The following CCDC180 variants were observed in gnomAD, a reference collection of about 807,000 sequenced individuals.
The protein encoded by CCDC180 is coiled-coil domain-containing protein 180.
In CCDC180, 154 loss-of-function variants were observed where a neutral mutation model predicts 209.2. That is an observed-to-expected ratio of 0.74 (90% CI 0.65 to 0.84). The LOEUF is 0.84. CCDC180 is among the 40% of genes least tolerant of loss of function. CCDC180 has a pLI of 0.00. For synonymous variants in CCDC180, 778 were observed against 749.1 expected, an observed-to-expected ratio of 1.04 and a Z score of -0.63; for missense variants, 1,874 against 1,997.3, an observed-to-expected ratio of 0.94 and a Z score of 1.18.
intron 31 of CCDC180, chr9:97,369,413 CTTTATTTTAT>C (rs1190222430): frequency 8.1e-6 from 1 of 123,016 alleles, no homozygotes; most frequent in African/African-American, 3.1e-5. Context: ...TTATTTAAGC[CTTTATTTTAT>C]GTTATGTTAT....
In CCDC180 at chr9:97,374,558, A is replaced by G; in HGVS notation, c.4616A>G (p.Lys1539Arg). 15 of 1,613,866 alleles carry G rather than the reference A, an allele frequency of 9.3e-6. No individual in the cohort carries two copies. Among genetic ancestry groups the G allele is most frequent in the Non-Finnish European group, 1.3e-5 (15 of 1,179,948 alleles). ...TTGCCTCTAGGGATGGAGCCCCCCAAACAGAAATTATCAATGCTCATACGA... is the reference window on the plus strand; with the variant it reads ...TTGCCTCTAGGGATGGAGCCCCCCAGACAGAAATTATCAATGCTCATACGA... ...DVQVARMEPPKQKLSMLIRRK... is the reference protein window; with the variant it reads ...DVQVARMEPPRQKLSMLIRRK... The change falls in exon 35 of 37, where the codon AAA becomes AGA. Residue 1539 changes from lysine to arginine, a missense_variant. Coordinates refer to ENST00000529487, the MANE Select transcript of CCDC180 (RefSeq NM_020893.6).
intron 36 of CCDC180, chr9:97,376,201 C>T (rs1439573430): frequency 6.4e-6 from 1 of 156,496 alleles, no homozygotes; most frequent in Non-Finnish European, 1.4e-5. Context: ...ACCCAGTTGC[C>T]ACTTGAGGGA....
Position 97,314,380 on chromosome 9 carries a change from T to A in CCDC180, c.460-13T>A, listed in dbSNP as rs774797202. The stretch of plus-strand genomic sequence containing the variant: ...GCTGATGCCTTGGCCATCATACCCC[T>A]GGCCTGTTGCAGGAAATGGAACCTC... On this transcript the variant is annotated splice_polypyrimidine_tract_variant and intron_variant, in intron 5 of 36. Transcript: ENST00000529487. 7 of 1,614,010 alleles carry A rather than the reference T, an allele frequency of 4.3e-6. No homozygotes were observed. In the East Asian group the frequency reaches 1.6e-4, roughly 36 times the overall value.
At chr9:97,358,137 T>A (rs111977407) in intron 25 of CCDC180, 4 of 153,688 alleles carry the variant, frequency 2.6e-5, no homozygotes, top group Non-Finnish European at 4.3e-5. Context: ...TTTTTTTTTT[T>A]TTGAGACGAA....
upstream of CCDC180, chr9:97,307,517 C>A (rs1486681448): frequency 3.3e-6 from 2 of 608,404 alleles, no homozygotes; most frequent in Non-Finnish European, 5.9e-6. Flanking sequence ...CTTCTCAGCA[C>A]ACAGTAGGCG....
In CCDC180 at chr9:97,311,989, T is replaced by A. The variant is rs183325737; in HGVS notation, c.261-124T>A. 1.9e-5 allele frequency: 15 copies of A among 779,158 alleles called. No individual in the cohort carries two copies. The East Asian group carries it at 3.8e-4, about 20-fold the overall frequency. The allele number at this position is 779,158 out of a possible 1,614,324, so 48.3% of individuals were successfully genotyped here. On this transcript the variant is annotated intron_variant, in intron 3 of 36. Coordinates refer to ENST00000529487, the MANE Select transcript of CCDC180 (RefSeq NM_020893.6). Reference sequence around the variant, plus strand: ...CTCAGGGCTCTCTGGAATTGGGGTGTGCCTGGTCCATTGCTGCTGCCCACA... The same window carrying A: ...CTCAGGGCTCTCTGGAATTGGGGTGAGCCTGGTCCATTGCTGCTGCCCACA...
In CCDC180 at chr9:97,364,925, A is replaced by G. The variant is rs200187435; in HGVS notation, c.3981-748A>G. 5.9e-5 allele frequency among the ~76,000 whole-genome samples: 9 copies of G among 152,314 alleles called. No individual in the cohort carries two copies. In the East Asian group the frequency reaches 1.2e-3, roughly 20 times the overall value. ...GCACTGCCATGGGGCTGGGGATTCC[A>G]TGGTGAACAAGTACAGACAGGTCCA... On this transcript the variant is annotated intron_variant, in intron 29 of 36. Coordinates refer to ENST00000529487, the MANE Select transcript of CCDC180 (RefSeq NM_020893.6).
chr9:97,357,500 C>T (rs1826616024), intron 24 of CCDC180, 127 bp from the exon 25 acceptor site: 3 of 701,096 alleles, frequency 4.3e-6, no homozygotes, highest in Non-Finnish European at 7.5e-6. Flanking sequence ...GGTAAAACTG[C>T]ATATTTTTCC....
chr9:97,316,131 C>G (rs1181371852), intron 8 of CCDC180, among the ~76,000 whole-genome samples: 1 of 152,162 alleles, frequency 6.6e-6, no homozygotes, highest in African/African-American at 2.4e-5. Context: ...ATAGAAGAGT[C>G]AAGGATTTCA....
rs1826532925 is a variant in CCDC180 at position 97,354,957 on chromosome 9, A to G, written c.3213A>G (p.Ile1071Met). 3.1e-6 allele frequency: 5 copies of G among 1,614,044 alleles called. No homozygotes were observed. Among genetic ancestry groups the G allele is most frequent in the South Asian group, 1.1e-5 (1 of 91,090 alleles). ...FHNLSVDLIF[I>M]EKIQRLLTNL... ...ACCTGTCTGTGGACCTTATTTTCAT[A>G]GAGAAAATCCAGCGGTTGCTGACGA... The change falls in exon 24 of 37, where the codon ATA (isoleucine) becomes ATG (methionine). Residue 1071 changes from isoleucine to methionine, a missense_variant. By Grantham distance (10) the Ile-to-Met change is conservative (BLOSUM62 1). Coordinates refer to ENST00000529487, the MANE Select transcript of CCDC180 (RefSeq NM_020893.6).
At chr9:97,375,922 G>C (rs1827246176) in intron 36 of CCDC180, 1 of 299,434 alleles carries the variant, frequency 3.3e-6, no homozygotes, top group African/African-American at 2.1e-5. Context: ...GGTAGCCGTA[G>C]GCTCAGGGGG....
At position 97,307,976 on chromosome 9, in the gene CCDC180, A is replaced by G; in HGVS notation, c.-81-7A>G. The G allele has an allele frequency of 1.3e-6, 2 of 1,586,560 alleles. No individual in the cohort carries two copies. Among genetic ancestry groups the G allele is most frequent in the Non-Finnish European group, 1.7e-6 (2 of 1,165,354 alleles). ...TGAGTTTGGGACGGGCGATTTCCCA[A>G]CCTCAGGAATTGGAATTGAGACACC... On this transcript the variant is annotated splice_polypyrimidine_tract_variant and splice_region_variant and intron_variant, in intron 1 of 36. Coordinates refer to ENST00000529487, the MANE Select transcript of CCDC180 (RefSeq NM_020893.6).
At chr9:97,316,078 T>C (rs1465925498) in intron 8 of CCDC180, among the ~76,000 whole-genome samples, 1 of 152,212 alleles carries the variant, frequency 6.6e-6, no homozygotes, top group Admixed American at 6.5e-5. Context: ...GTAGCTGTCT[T>C]CTGAGATCAG....
intron 8 of CCDC180, among the ~76,000 whole-genome samples, chr9:97,316,610 A>T (rs1333249143): frequency 1.3e-5 from 2 of 152,136 alleles, no homozygotes; most frequent in Non-Finnish European, 2.9e-5. Flanking sequence ...CCATGGGAGG[A>T]CTGCTGAAGA....
chr9:97,363,158 T>TGAAA (rs1425797981), intron 28 of CCDC180, among the ~76,000 whole-genome samples: 1 of 152,218 alleles, frequency 6.6e-6, no homozygotes, highest in Non-Finnish European at 1.5e-5. Flanking sequence ...GGTTGCCCAC[T>TGAAA]GAAAGCAGGG....
chr9:97,315,356 G>T (rs757667512), intron 8 of CCDC180, among the ~76,000 whole-genome samples: 1 of 152,098 alleles, frequency 6.6e-6, no homozygotes, highest in Non-Finnish European at 1.5e-5. Flanking sequence ...TGAGTGATCT[G>T]CTCTGCCTGC....
In CCDC180 at chr9:97,317,264, C is replaced by G. The variant is rs778862928; in HGVS notation, c.959+36C>G. 1.1e-5 allele frequency: 17 copies of G among 1,486,522 alleles called. No homozygotes were observed. The African/African-American group carries it at 2.0e-4, about 17-fold the overall frequency. 92.1% of individuals were successfully genotyped at this position (1,486,522 alleles called of 1,614,324 possible). On this transcript the variant is annotated intron_variant, in intron 9 of 36. Coordinates refer to ENST00000529487, the MANE Select transcript of CCDC180 (RefSeq NM_020893.6). ...CCCACACAGCTCCTTCTCCAGCCCA[C>G]CAGGGGGGCTGGCAAAGGGTAGGGG...
chr9:97,373,755 G>A (rs953774156), intron 34 of CCDC180: 14 of 152,362 alleles, frequency 9.2e-5, no homozygotes, highest in East Asian at 1.9e-4. Flanking sequence ...CTAGAAGTGC[G>A]ATGTCTGGAT....
At chr9:97,359,861 C>G (rs892188207) in intron 25 of CCDC180, 121 bp from the exon 26 acceptor site, 2 of 1,281,740 alleles carry the variant, frequency 1.6e-6, no homozygotes, top group Admixed American at 4.1e-5. Context: ...ATGTGAGGAG[C>G]CTCCATTAAG....
Sources: gnomAD v4.1 joint callset for allele counts (sites outside exome capture counted in the v4.1 genomes callset) on GRCh38, gnomAD v4.1.1 for gene constraint, MANE v1.5 for transcripts, NCBI Gene and HGNC (gene_info 2026-07-23, HGNC 2026-07-21) for gene names.